MRPS35: variants seen among roughly 807,000 people sequenced by gnomAD.
MRPS35 encodes the protein small ribosomal subunit protein mS35.
Under a neutral mutation model 32.7 loss-of-function variants are expected in MRPS35, and 29 were observed. The ratio of observed to expected loss-of-function variants is 0.89; its 90% CI spans 0.66 to 1.21. The LOEUF (loss-of-function observed/expected upper bound fraction) is 1.21. Ranked by LOEUF, MRPS35 falls within the 50% of genes most tolerant of loss-of-function variation. The probability of loss-of-function intolerance (pLI) is 0.00; values close to 1 mark genes in which losing one functional copy is unlikely to be tolerated. For synonymous variants in MRPS35, 148 were observed against 139.3 expected, an observed-to-expected ratio of 1.06 and a Z score of -0.44; for missense variants, 373 against 383.8, an observed-to-expected ratio of 0.97 and a Z score of 0.23.
intron 7 of MRPS35, among the ~76,000 whole-genome samples, chr12:27,743,452 C>T (rs548908210): frequency 5.9e-5 from 9 of 152,040 alleles, no homozygotes; most frequent in East Asian, 2.0e-4. Context: ...GCCTTGAACC[C>T]GGGAGGCAGA....
intron 7 of MRPS35, among the ~76,000 whole-genome samples, chr12:27,751,532 G>T (rs1299438274): frequency 6.6e-6 from 1 of 152,004 alleles, no homozygotes; most frequent in Non-Finnish European, 1.5e-5. Flanking sequence ...TCGGCGGTTT[G>T]CTCCGGCTGT....
intron 4 of MRPS35, among the ~76,000 whole-genome samples, chr12:27,723,556 A>G (rs575642799): frequency 2.0e-5 from 3 of 152,344 alleles, no homozygotes; most frequent in South Asian, 4.1e-4. Flanking sequence ...TATTCAGCCA[A>G]ATTTCTAGAC....
chr12:27,719,944 G>A, intron 4 of MRPS35, 76 bp downstream of exon 4: 1 of 1,069,196 alleles, frequency 9.4e-7, no homozygotes, highest in Non-Finnish European at 1.4e-6. Flanking sequence ...CTGATATACT[G>A]TATAGCCTTA....
intron 4 of MRPS35, among the ~76,000 whole-genome samples, chr12:27,721,013 A>G (rs1253601611): frequency 6.6e-6 from 1 of 152,190 alleles, no homozygotes; most frequent in East Asian, 1.9e-4. Flanking sequence ...AAGGTGTTGT[A>G]TATTACATGC....
chr12:27,720,002 G>A, intron 4 of MRPS35, 134 bp downstream of exon 4: 1 of 650,914 alleles, frequency 1.5e-6, no homozygotes, highest in Admixed American at 2.8e-5. Context: ...TCTGCAAATT[G>A]TTTTTGCTAA....
At chr12:27,742,352 A>G (rs556153588) in intron 7 of MRPS35, among the ~76,000 whole-genome samples, 2 of 152,222 alleles carry the variant, frequency 1.3e-5, no homozygotes, top group Non-Finnish European at 2.9e-5. Context: ...TGTACAAGAT[A>G]TGTTGCTAGG....
chr12:27,725,517 T>C lies in MRPS35; in HGVS notation c.522+1331T>C, dbSNP rs114074154. The C allele has an allele frequency of 3.8e-3, 643 of 171,372 alleles. 4 individuals carry two copies. The highest frequency in any genetic ancestry group is 0.014 in the African/African-American group (592 of 42,050). 10.6% of individuals were successfully genotyped at this position (171,372 alleles called of 1,614,324 possible). Reference sequence around the variant, plus strand: ...TAAGATAACTTCCTGAAAGGAGAACTATGAGGTCAAAGGATATAGCTCTTG... The same window carrying C: ...TAAGATAACTTCCTGAAAGGAGAACCATGAGGTCAAAGGATATAGCTCTTG... On this transcript the variant is annotated intron_variant, in intron 5 of 7. Coordinates refer to ENST00000081029, the MANE Select transcript of MRPS35 (RefSeq NM_021821.4).
rs895627484 is a variant in MRPS35, at chr12:27,755,416, A to G, written c.938A>G (p.Lys313Arg). 1 of 1,588,296 alleles carries G rather than the reference A, an allele frequency of 6.3e-7. No homozygotes were observed. Among genetic ancestry groups the G allele is most frequent in the East Asian group, 2.2e-5 (1 of 44,600 alleles). The change falls in exon 8 of 8, where the codon AAA becomes AGA. Residue 313 changes from lysine (K) to arginine (R), a missense_variant. Transcript: ENST00000081029. ...EENENSISQY[K>R]ESVKRLLNVT ...AATGAAAATTCCATTTCTCAGTACAAAGAATCCGTGAAGAGACTATTAAAT... is the reference window on the plus strand; with the variant it reads ...AATGAAAATTCCATTTCTCAGTACAGAGAATCCGTGAAGAGACTATTAAAT...
chr12:27,733,171 T>C (rs1032628762), intron 5 of MRPS35, among the ~76,000 whole-genome samples: 1 of 152,010 alleles, frequency 6.6e-6, no homozygotes, highest in African/African-American at 2.4e-5. Context: ...TAAAAGACAG[T>C]GAATGCCACT....
chr12:27,721,853 A>G (rs1049483662), intron 4 of MRPS35, among the ~76,000 whole-genome samples: 1 of 152,020 alleles, frequency 6.6e-6, no homozygotes, highest in Admixed American at 6.6e-5. Context: ...TTGAGAGGCC[A>G]AGGAAAAAGG....
intron 5 of MRPS35, among the ~76,000 whole-genome samples, chr12:27,729,319 C>G (rs1395019817): frequency 6.6e-6 from 1 of 152,044 alleles, no homozygotes; most frequent in East Asian, 1.9e-4. Context: ...TGTTTACAGA[C>G]CATGATCTGG....
At chr12:27,737,499 G>T in intron 6 of MRPS35, 40 bp from the exon 7 acceptor site, 1 of 1,556,220 alleles carries the variant, frequency 6.4e-7, no homozygotes, top group African/African-American at 1.4e-5. Flanking sequence ...TGTGTACTGA[G>T]TTTTTAGAAT....
At chr12:27,714,970 CTT>C (rs1364163070) in intron 2 of MRPS35, 150 bp downstream of exon 2, 1 of 661,400 alleles carries the variant, frequency 1.5e-6, no homozygotes, top group Admixed American at 3.0e-5. Context: ...AGAGGTTAGT[CTT>C]TGTTTTTTGT....
chr12:27,714,075 CAAA>C (rs34481044), intron 1 of MRPS35, among the ~76,000 whole-genome samples: 8,805 of 78,386 alleles, frequency 0.11, 305 homozygotes, highest in South Asian at 0.2. Context: ...GACCTTGTCT[CAAA>C]AAAAAAAAAA....
chr12:27,751,111 A>AAAAAAAAAAAAAAAAAAAG (rs2062000797), intron 7 of MRPS35, among the ~76,000 whole-genome samples: 1 of 150,248 alleles, frequency 6.7e-6, no homozygotes, highest in Non-Finnish European at 1.5e-5. Flanking sequence ...TCAAAAAAAA[A>AAAAAAAAAAAAAAAAAAAG]AAAAAAAAAA....
At chr12:27,739,330 A>G (rs2061954714) in intron 7 of MRPS35, among the ~76,000 whole-genome samples, 1 of 152,210 alleles carries the variant, frequency 6.6e-6, no homozygotes, top group Admixed American at 6.5e-5. Flanking sequence ...AGGTAGTTAA[A>G]TTCCATGGCC....
chr12:27,739,525 C>T (rs2061955419), intron 7 of MRPS35, among the ~76,000 whole-genome samples: 1 of 152,182 alleles, frequency 6.6e-6, no homozygotes, highest in African/African-American at 2.4e-5. Flanking sequence ...CTGGTAAGCT[C>T]TTCTCTTCTT....
intron 7 of MRPS35, among the ~76,000 whole-genome samples, chr12:27,737,852 G>A (rs1591800477): frequency 2.0e-5 from 3 of 152,226 alleles, no homozygotes; most frequent in Admixed American, 2.0e-4. Context: ...AAACTTCAGA[G>A]TTTTTGACTT....
chr12:27,743,522 C>T (rs1203547461), intron 7 of MRPS35, among the ~76,000 whole-genome samples: 1 of 152,034 alleles, frequency 6.6e-6, no homozygotes, highest in Non-Finnish European at 1.5e-5. Context: ...GAGTGAAACT[C>T]CATCTCAAAA....
Sources: gnomAD v4.1 joint callset for allele counts (sites outside exome capture counted in the v4.1 genomes callset) on GRCh38, gnomAD v4.1.1 for gene constraint, MANE v1.5 for transcripts, NCBI Gene and HGNC (gene_info 2026-07-23, HGNC 2026-07-21) for gene names.